Variants in HPSE2 observed in about 807,000 individuals in gnomAD.
HPSE2 encodes heparanase 2 (inactive).
A neutral mutation model predicts 60.5 loss-of-function variants in HPSE2; 38 were observed. That is an observed-to-expected ratio of 0.63 (90% CI 0.48 to 0.82). The LOEUF is 0.82. HPSE2 is among the 40% of genes least tolerant of loss of function. HPSE2 has a pLI of 0.00. For missense variants in HPSE2, 713 were observed against 740.4 expected (o/e 0.96, Z 0.43); for synonymous variants, 295 against 293.2 (o/e 1.01, Z -0.06).
chr10:99,153,091 G>A (rs1004013183), intron 2 of HPSE2, among the ~76,000 whole-genome samples: 19 of 152,210 alleles, frequency 1.2e-4, no homozygotes, highest in Non-Finnish European at 2.1e-4. Context: ...CACATGGCTC[G>A]GAGGGTCCTA....
chr10:98,687,007 G>A (rs886561373), intron 6 of HPSE2, among the ~76,000 whole-genome samples: 1 of 152,182 alleles, frequency 6.6e-6, no homozygotes. Flanking sequence ...TGAAAGAAGT[G>A]TTTCTAAATT....
the HPSE2 span, among the ~76,000 whole-genome samples, chr10:99,254,112 C>G: frequency 1.3e-5 from 2 of 152,170 alleles, no homozygotes; most frequent in Non-Finnish European, 2.9e-5. Flanking sequence ...CATATGCACT[C>G]GCATGTTCAT....
intron 6 of HPSE2, among the ~76,000 whole-genome samples, chr10:98,644,909 G>A (rs1228507070): frequency 9.2e-5 from 14 of 152,194 alleles, no homozygotes; most frequent in Admixed American, 9.2e-4. Flanking sequence ...TCCGTGGGCT[G>A]TGAATTGGAT....
chr10:99,132,193 G>GAC (rs1462262867), intron 3 of HPSE2, among the ~76,000 whole-genome samples: 2 of 13,416 alleles, frequency 1.5e-4, no homozygotes, highest in African/African-American at 3.2e-4. Context: ...AAGAAAGAAA[G>GAC]AGAGAGAGAG....
At chr10:99,145,658 A>G (rs1284594519) in intron 2 of HPSE2, among the ~76,000 whole-genome samples, 1 of 152,224 alleles carries the variant, frequency 6.6e-6, no homozygotes, top group Non-Finnish European at 1.5e-5. Flanking sequence ...TTTTAATAGA[A>G]GGCGCTAAAA....
chr10:98,466,610 CAAAA>C (rs397965207), intron 11 of HPSE2, among the ~76,000 whole-genome samples: 5 of 78,968 alleles, frequency 6.3e-5, no homozygotes, highest in Non-Finnish European at 8.7e-5. Flanking sequence ...GACTCCGTCT[CAAAA>C]AAAAAAAAAA....
At chr10:98,548,982 G>A (rs192244557) in intron 9 of HPSE2, among the ~76,000 whole-genome samples, 8 of 151,896 alleles carry the variant, frequency 5.3e-5, no homozygotes, top group East Asian at 1.9e-4. Context: ...ACCTTCTTTC[G>A]CCCACTTGCA....
In HPSE2 at chr10:99,003,674, A is replaced by T. The variant is rs189150101; in HGVS notation, c.610+140564T>A. Among the ~76,000 whole-genome samples, 77 of 152,086 alleles carry T rather than the reference A, an allele frequency of 5.1e-4. 1 individual carries two copies. Among genetic ancestry groups the T allele is most frequent in the Non-Finnish European group, 8.3e-4 (56 of 67,862 alleles). On this transcript the variant is annotated intron_variant, in intron 3 of 11. Transcript: ENST00000370552. Reference sequence around the variant, plus strand: ...CAGGTCCTTTGCCCAGTTATTAATCAGTTTCTCTTCTTGCTATTGAGTTGA... The same window carrying T: ...CAGGTCCTTTGCCCAGTTATTAATCTGTTTCTCTTCTTGCTATTGAGTTGA...
intron 3 of HPSE2, among the ~76,000 whole-genome samples, chr10:98,750,835 G>A (rs1479554315): frequency 6.6e-6 from 1 of 152,126 alleles, no homozygotes; most frequent in Admixed American, 6.6e-5. Context: ...ATTTGAGTGG[G>A]CAGAATATGC....
chr10:98,945,892 G>A (rs1955166815), intron 3 of HPSE2, among the ~76,000 whole-genome samples: 1 of 151,980 alleles, frequency 6.6e-6, no homozygotes, highest in African/African-American at 2.4e-5. Flanking sequence ...AAATTAGCTG[G>A]GATGAAGACA....
intron 9 of HPSE2, among the ~76,000 whole-genome samples, chr10:98,555,059 G>T (rs886256279): frequency 6.6e-6 from 1 of 152,128 alleles, no homozygotes; most frequent in Non-Finnish European, 1.5e-5. Context: ...AAAAATCTAT[G>T]TGCCATTAAA....
At chr10:99,270,751 A>T in the HPSE2 span, among the ~76,000 whole-genome samples, 2 of 152,210 alleles carry the variant, frequency 1.3e-5, no homozygotes, top group African/African-American at 4.8e-5. Context: ...ACACTAGCTA[A>T]CTGAATCCAA....
chr10:99,303,349 T>C, the HPSE2 span, among the ~76,000 whole-genome samples: 1 of 152,104 alleles, frequency 6.6e-6, no homozygotes, highest in East Asian at 1.9e-4. Context: ...ACCTCCTGCT[T>C]GATTAAGAGA....
chr10:98,701,512 GA>G (rs1044933729), intron 5 of HPSE2, among the ~76,000 whole-genome samples: 1 of 101,680 alleles, frequency 9.8e-6, no homozygotes, highest in Non-Finnish European at 1.9e-5. Flanking sequence ...AGGGGGGAGG[GA>G]TAGCTTTAGG....
intron 2 of HPSE2, among the ~76,000 whole-genome samples, chr10:99,172,904 A>AG (rs1240123666): frequency 6.6e-6 from 1 of 152,164 alleles, no homozygotes; most frequent in East Asian, 1.9e-4. Context: ...AAAAGAAGAA[A>AG]GGGAATGAAG....
At chr10:99,118,771 C>A (rs987579779) in intron 3 of HPSE2, among the ~76,000 whole-genome samples, 1 of 152,076 alleles carries the variant, frequency 6.6e-6, no homozygotes, top group East Asian at 2.0e-4. Flanking sequence ...AATCTCAGCA[C>A]TTTGGGAGGC....
chr10:99,100,051 G>C (rs1843888905), intron 3 of HPSE2, among the ~76,000 whole-genome samples: 1 of 152,152 alleles, frequency 6.6e-6, no homozygotes, highest in African/African-American at 2.4e-5. Flanking sequence ...AAAAAACAGA[G>C]CAGAAAAGCT....
chr10:98,561,570 A>G (rs1238397994), intron 9 of HPSE2, among the ~76,000 whole-genome samples: 1 of 152,208 alleles, frequency 6.6e-6, no homozygotes, highest in Non-Finnish European at 1.5e-5. Context: ...AACTTTGGCC[A>G]GGTGCAGTGG....
At chr10:98,661,951 G>A (rs1020440817) in intron 6 of HPSE2, among the ~76,000 whole-genome samples, 3 of 152,186 alleles carry the variant, frequency 2.0e-5, no homozygotes, top group African/African-American at 7.2e-5. Flanking sequence ...CCAGGCTGGA[G>A]TGCAGTGGTC....
Sources: allele counts gnomAD v4.1 joint callset (sites outside exome capture counted in the v4.1 genomes callset), GRCh38; gene constraint gnomAD v4.1.1; transcripts MANE v1.5; gene names NCBI Gene and HGNC (gene_info 2026-07-23, HGNC 2026-07-21).